Variants in SLC9B2 observed in about 807,000 individuals in gnomAD.
SLC9B2 encodes sodium/hydrogen exchanger 9B2.
A neutral mutation model predicts 52.2 loss-of-function variants in SLC9B2; 39 were observed. The observed-to-expected ratio is 0.75, with a 90% CI of 0.58 to 0.98. SLC9B2 has a LOEUF of 0.98. Among genes scored for constraint, SLC9B2 ranks in the 50% least tolerant of loss-of-function variants. The pLI is 0.00. For synonymous variants in SLC9B2, 214 were observed against 227.0 expected (o/e 0.94, Z 0.51); for missense variants, 626 against 637.5 (o/e 0.98, Z 0.19).
intron 1 of SLC9B2, among the ~76,000 whole-genome samples, chr4:103,071,014 T>A (rs1390649543): frequency 6.6e-6 from 1 of 151,730 alleles, no homozygotes; most frequent in Non-Finnish European, 1.5e-5. Flanking sequence ...CCTTAAGAGA[T>A]CAAGAATATA....
intron 3 of SLC9B2, among the ~76,000 whole-genome samples, chr4:103,060,074 T>A (rs1236110845): frequency 6.6e-6 from 1 of 152,094 alleles, no homozygotes; most frequent in African/African-American, 2.4e-5. Flanking sequence ...TTCCTTTCAG[T>A]ATGATGTGTT....
intron 9 of SLC9B2, among the ~76,000 whole-genome samples, chr4:103,038,793 A>G (rs529203744): frequency 4.6e-4 from 70 of 152,318 alleles, no homozygotes; most frequent in African/African-American, 1.6e-3. Context: ...AAAATCTGTA[A>G]AAGTCATTAG....
intron 2 of SLC9B2, 77 bp from the exon 3 acceptor site, chr4:103,066,584 T>C: frequency 7.4e-7 from 1 of 1,354,336 alleles, no homozygotes; most frequent in Non-Finnish European, 1.0e-6. Context: ...CATCATCACC[T>C]TACAAATCAA....
At chr4:103,076,123 C>A (rs962375974) in intron 1 of SLC9B2, 61 bp downstream of exon 1, 9 of 152,330 alleles carry the variant, frequency 5.9e-5, no homozygotes, top group Non-Finnish European at 8.8e-5. Flanking sequence ...AGCAGGCCTA[C>A]AGGGTACCCG....
chr4:103,027,010 G>A (rs996554979), intron 11 of SLC9B2, among the ~76,000 whole-genome samples: 4 of 152,056 alleles, frequency 2.6e-5, no homozygotes, highest in Non-Finnish European at 4.4e-5. Flanking sequence ...CCCAAGTGCT[G>A]GGATTACAGG....
Position 103,076,242 on chromosome 4 carries a change from G to A in SLC9B2, c.-101C>T, listed in dbSNP as rs912701239. 2 of 152,632 alleles carry A rather than the reference G, an allele frequency of 1.3e-5. No individual in the cohort carries two copies. Among genetic ancestry groups the A allele is most frequent in the African/African-American group, 4.8e-5 (2 of 41,488 alleles). 9.5% of individuals were successfully genotyped at this position (152,632 alleles called of 1,614,324 possible). A position where few individuals can be genotyped will look rare whatever the true frequency, so the allele number is the denominator to read the frequency against. On this transcript the variant is annotated 5_prime_UTR_variant, in exon 1 of 12. Coordinates refer to ENST00000394785, the MANE Select transcript of SLC9B2 (RefSeq NM_178833.7). ...TCTGAACGATTAGGAAAGGGGCTGT[G>A]GGGGAGGCGGCGGAGCCCGGTCTAG...
At chr4:103,048,313 A>G (rs1744355660) in intron 6 of SLC9B2, among the ~76,000 whole-genome samples, 1 of 152,234 alleles carries the variant, frequency 6.6e-6, no homozygotes, top group Non-Finnish European at 1.5e-5. Flanking sequence ...GAGATTAAAT[A>G]CTTGTTAAAG....
chr4:103,066,706 A>AT (rs570886024), intron 2 of SLC9B2, among the ~76,000 whole-genome samples, 199 bp from the exon 3 acceptor site: 1 of 152,148 alleles, frequency 6.6e-6, no homozygotes, highest in African/African-American at 2.4e-5. Context: ...CACAGTCACT[A>AT]TTTTTAGTAC....
At chr4:103,075,281 C>G (rs1432082281) in intron 1 of SLC9B2, among the ~76,000 whole-genome samples, 1 of 152,154 alleles carries the variant, frequency 6.6e-6, no homozygotes, top group African/African-American at 2.4e-5. Context: ...TCCGGAATAG[C>G]TGGAATTACG....
chr4:103,050,298 AAAGAGG>A lies in SLC9B2; in HGVS notation c.521_526del (p.Ser174_Ser175del). ...AATGATAGACAGGGCTATGCTTCTC[AAAGAGG>A]AAGACCACTTGTGCTTGATCTGCAC... On this transcript the variant is annotated inframe_deletion, in exon 5 of 12. Coordinates refer to ENST00000394785, the MANE Select transcript of SLC9B2 (RefSeq NM_178833.7). 6.2e-7 allele frequency: 1 copy of A among 1,609,812 alleles called. No homozygotes were observed. Among genetic ancestry groups the A allele is most frequent in the Non-Finnish European group, 8.5e-7 (1 of 1,178,164 alleles).
Position 103,047,154 on chromosome 4 carries a change from A to G in SLC9B2, c.786T>C (p.Gly262=). ...GCAAGGTTGGGACACCCTTCTCAAC[A>G]CCATAGCCTCCTCCCTGCAAAAGGA... ...SMLLLQGGGY[G]VEKGVPTLLM... The change falls in exon 7 of 12, where the codon GGT becomes GGC. Residue 262 remains glycine (G), a synonymous_variant. Transcript: ENST00000394785. 6.2e-7 allele frequency: 1 copy of G among 1,613,954 alleles called. No individual in the cohort carries two copies. Among genetic ancestry groups the G allele is most frequent in the East Asian group, 2.2e-5 (1 of 44,866 alleles).
intron 7 of SLC9B2, among the ~76,000 whole-genome samples, chr4:103,046,588 G>T (rs566269248): frequency 6.6e-6 from 1 of 152,026 alleles, no homozygotes; most frequent in Non-Finnish European, 1.5e-5. Flanking sequence ...TATTTTAAAG[G>T]CATGCTGTTC....
chr4:103,038,032 T>C (rs1021465460), intron 9 of SLC9B2, among the ~76,000 whole-genome samples: 1 of 151,946 alleles, frequency 6.6e-6, no homozygotes, highest in African/African-American at 2.4e-5. Context: ...CGGGGAAGTT[T>C]TGTATTTTTA....
chr4:103,058,720 A>G (rs574845321), intron 3 of SLC9B2, among the ~76,000 whole-genome samples: 10 of 152,132 alleles, frequency 6.6e-5, no homozygotes, highest in African/African-American at 2.4e-4. Flanking sequence ...TTCATCTGGG[A>G]CAATTATCCT....
chr4:103,031,818 C>A lies in SLC9B2; in HGVS notation c.1147-10G>T. On this transcript the variant is annotated splice_polypyrimidine_tract_variant and intron_variant, in intron 9 of 11. Coordinates refer to ENST00000394785, the MANE Select transcript of SLC9B2 (RefSeq NM_178833.7). ...TCTTTTCAACCTCTGCCTAAAATAA[C>A]AATAAAACACACACAGATTTTTATT... 3 of 1,602,894 alleles carry A rather than the reference C, an allele frequency of 1.9e-6. No homozygotes were observed. Among genetic ancestry groups the A allele is most frequent in the East Asian group, 4.5e-5 (2 of 44,682 alleles).
chr4:103,067,694 TA>T (rs1746270532), intron 1 of SLC9B2, 102 bp from the exon 2 acceptor site: 1 of 668,578 alleles, frequency 1.5e-6, no homozygotes, highest in African/African-American at 1.8e-5. Context: ...TCCGAATGGC[TA>T]AACTATTTGA....
downstream of SLC9B2, chr4:103,019,502 G>A (rs1741631341): frequency 1.2e-6 from 1 of 832,848 alleles, no homozygotes; most frequent in African/African-American, 1.8e-5. Context: ...GGGGAGGAAA[G>A]GCCCTCCTGC....
intron 1 of SLC9B2, among the ~76,000 whole-genome samples, chr4:103,072,907 C>T (rs114018518): frequency 0.04 from 6,132 of 152,094 alleles, 374 homozygotes; most frequent in African/African-American, 0.13. Flanking sequence ...ATTAAGTCAC[C>T]AGCACTCAAC....
intron 3 of SLC9B2, among the ~76,000 whole-genome samples, chr4:103,065,196 A>G (rs901582602): frequency 6.6e-6 from 1 of 151,794 alleles, no homozygotes; most frequent in Non-Finnish European, 1.5e-5. Context: ...ACACACACAC[A>G]CACACACACA....
Sources: gnomAD v4.1 joint callset for allele counts (sites outside exome capture counted in the v4.1 genomes callset) on GRCh38, gnomAD v4.1.1 for gene constraint, MANE v1.5 for transcripts, NCBI Gene and HGNC (gene_info 2026-07-23, HGNC 2026-07-21) for gene names.